The following DSE variants were observed in gnomAD, a reference collection of about 807,000 sequenced individuals.
DSE encodes dermatan-sulfate epimerase.
DSE carries 36 observed loss-of-function variants against 84.4 expected under a neutral mutation model. The observed-to-expected ratio is 0.43, with a 90% CI of 0.33 to 0.56. DSE has a LOEUF of 0.56. Ranked by LOEUF, DSE falls within the 20% of genes least tolerant of loss-of-function variation. The pLI is 0.06. For synonymous variants in DSE, 410 were observed against 430.1 expected (o/e 0.95, Z 0.58); for missense variants, 862 against 1,169.6 (o/e 0.74, Z 3.84).
intron 2 of DSE, among the ~76,000 whole-genome samples, chr6:116,324,148 G>A (rs934503387): frequency 4.6e-5 from 7 of 152,158 alleles, no homozygotes; most frequent in Non-Finnish European, 1.0e-4. Flanking sequence ...TAACATGTGG[G>A]AAACACAAGT....
At chr6:116,272,783 T>A (rs899047270) in intron 2 of DSE, among the ~76,000 whole-genome samples, 2 of 152,224 alleles carry the variant, frequency 1.3e-5, no homozygotes, top group African/African-American at 4.8e-5. Context: ...TTGAGAACCA[T>A]GAAGCTAGAT....
chr6:116,327,138 G>A (rs141442781), intron 2 of DSE, among the ~76,000 whole-genome samples: 4 of 152,268 alleles, frequency 2.6e-5, no homozygotes, highest in African/African-American at 9.6e-5. Flanking sequence ...AGAAAAAACA[G>A]GAAAAAGTCG....
chr6:116,278,782 G>C, intron 2 of DSE: 1 of 1,614,178 alleles, frequency 6.2e-7, no homozygotes, highest in Non-Finnish European at 8.5e-7. Flanking sequence ...AGTAGAAAGA[G>C]ACACCACTCG....
chr6:116,381,096 C>T (rs1229547792), intron 1 of DSE, among the ~76,000 whole-genome samples: 1 of 152,128 alleles, frequency 6.6e-6, no homozygotes. Context: ...GGCACCGTCC[C>T]TGAATTCTCA....
chr6:116,412,359 T>C (rs1782429585), intron 2 of DSE: 1 of 152,272 alleles, frequency 6.6e-6, no homozygotes, highest in African/African-American at 2.4e-5. Context: ...CAACACCATC[T>C]GCCCTCTACT....
At chr6:116,331,229 ATTCTCTT>A (rs1776915876) in intron 2 of DSE, among the ~76,000 whole-genome samples, 1 of 152,156 alleles carries the variant, frequency 6.6e-6, no homozygotes, top group African/African-American at 2.4e-5. Context: ...GTATTAGTTC[ATTCTCTT>A]GCTGCTATGA....
intron 2 of DSE, among the ~76,000 whole-genome samples, chr6:116,413,510 A>C (rs1193296932): frequency 6.6e-6 from 1 of 152,184 alleles, no homozygotes; most frequent in Non-Finnish European, 1.5e-5. Context: ...TCTTTATTTC[A>C]TTAAGAAACA....
intron 2 of DSE, among the ~76,000 whole-genome samples, chr6:116,265,076 C>T (rs1486356626): frequency 6.6e-6 from 1 of 152,164 alleles, no homozygotes. Flanking sequence ...GTGGTAGTAA[C>T]AGCTGCAGCA....
chr6:116,314,847 T>A (rs6931267), intron 2 of DSE, among the ~76,000 whole-genome samples: 10,591 of 152,066 alleles, frequency 0.07, 781 homozygotes, highest in African/African-American at 0.18. Context: ...GCAAAGTGAG[T>A]TTCTTTAGCC....
chr6:116,404,563 T>C (rs996910995), intron 2 of DSE, among the ~76,000 whole-genome samples: 3 of 152,240 alleles, frequency 2.0e-5, no homozygotes, highest in East Asian at 3.8e-4. Flanking sequence ...CTCTGTAAAC[T>C]TGGTTCTTCA....
intron 2 of DSE, among the ~76,000 whole-genome samples, chr6:116,315,449 G>T (rs904431075): frequency 6.6e-6 from 1 of 151,860 alleles, no homozygotes; most frequent in Non-Finnish European, 1.5e-5. Flanking sequence ...ATTTACTAGG[G>T]TATACCTCTA....
intron 2 of DSE, among the ~76,000 whole-genome samples, chr6:116,323,988 T>G (rs186389028): frequency 1.7e-4 from 26 of 152,190 alleles, no homozygotes; most frequent in Admixed American, 3.9e-4. Flanking sequence ...CTGCCCCACA[T>G]AGTCAAACCA....
At chr6:116,381,067 T>TA (rs1202108089) in intron 1 of DSE, among the ~76,000 whole-genome samples, 1 of 152,174 alleles carries the variant, frequency 6.6e-6, no homozygotes, top group Non-Finnish European at 1.5e-5. Context: ...TATAAGATGA[T>TA]ATAAGCACCT....
At chr6:116,355,514 C>T (rs529689698) in intron 2 of DSE, among the ~76,000 whole-genome samples, 51 of 152,252 alleles carry the variant, frequency 3.3e-4, no homozygotes, top group Non-Finnish European at 6.2e-4. Flanking sequence ...CTGTTTTGTG[C>T]CCTAGTAGAG....
chr6:116,338,212 C>CTTCT (rs1159272437), intron 2 of DSE, among the ~76,000 whole-genome samples: 8 of 131,108 alleles, frequency 6.1e-5, no homozygotes, highest in African/African-American at 2.1e-4. Flanking sequence ...TACCTTCTTT[C>CTTCT]TTCTTTCTTT....
chr6:116,332,020 ACT>A (rs1776973773), intron 2 of DSE, among the ~76,000 whole-genome samples: 1 of 152,070 alleles, frequency 6.6e-6, no homozygotes, highest in Admixed American at 6.5e-5. Flanking sequence ...AAACTCAAAG[ACT>A]CTACAGATAG....
chr6:116,400,916 T>G (rs1486229238), intron 2 of DSE: 1 of 152,156 alleles, frequency 6.6e-6, no homozygotes, highest in East Asian at 1.9e-4. Flanking sequence ...TCAATTAGTT[T>G]AAAATAGCAA....
At chr6:116,348,434 A>C (rs1163430982) in intron 2 of DSE, among the ~76,000 whole-genome samples, 3 of 142,074 alleles carry the variant, frequency 2.1e-5, no homozygotes, top group Non-Finnish European at 4.6e-5. Flanking sequence ...CTCAAAAAAA[A>C]CAAAAAAAAA....
At chr6:116,321,274 A>AAGGTGTGTGCTACCTGGGT (rs1220507614) in intron 2 of DSE, among the ~76,000 whole-genome samples, 1 of 592 alleles carries the variant, frequency 1.7e-3, no homozygotes, top group Non-Finnish European at 4.4e-3. Flanking sequence ...CCTGTGCTCA[A>AAGGTGTGTGCTACCTGGGT]GTGATCCTCC....
Sources: allele counts gnomAD v4.1 joint callset (sites outside exome capture counted in the v4.1 genomes callset), GRCh38; gene constraint gnomAD v4.1.1; transcripts MANE v1.5; gene names NCBI Gene and HGNC (gene_info 2026-07-23, HGNC 2026-07-21).